TMEM38B: variants seen among roughly 807,000 people sequenced by gnomAD.
The protein encoded by TMEM38B is transmembrane protein 38B, also known as trimeric intracellular cation channel type B.
In TMEM38B, 24 loss-of-function variants were observed where a neutral mutation model predicts 28.7. That is an observed-to-expected ratio of 0.84 (90% CI 0.61 to 1.18). The LOEUF (loss-of-function observed/expected upper bound fraction) is 1.18, where lower values mean the gene tolerates loss of function less well. Among genes scored for constraint, TMEM38B ranks in the 50% most tolerant of loss-of-function variants. The pLI is 0.00. For missense variants in TMEM38B, 380 were observed against 350.9 expected, an observed-to-expected ratio of 1.08 and a Z score of -0.66; for synonymous variants, 131 against 127.7, an observed-to-expected ratio of 1.03 and a Z score of -0.17.
At chr9:105,764,210 T>G (rs1016987287) in intron 5 of TMEM38B, among the ~76,000 whole-genome samples, 9 of 151,976 alleles carry the variant, frequency 5.9e-5, no homozygotes, top group Non-Finnish European at 1.2e-4. Context: ...CTATTCAACA[T>G]AGTGTTGGAA....
chr9:105,752,894 AC>A (rs1229147318), intron 5 of TMEM38B, among the ~76,000 whole-genome samples: 3 of 152,160 alleles, frequency 2.0e-5, no homozygotes, highest in African/African-American at 7.2e-5. Flanking sequence ...GCATGTTCTA[AC>A]CCAATGGAAA....
chr9:105,756,758 TTATAA>T (rs1837846971), intron 5 of TMEM38B, among the ~76,000 whole-genome samples: 3 of 152,160 alleles, frequency 2.0e-5, no homozygotes, highest in African/African-American at 7.2e-5. Flanking sequence ...TGAACATCTC[TTATAA>T]TATTTCTCAA....
chr9:105,741,612 A>T (rs564528700), intron 4 of TMEM38B, among the ~76,000 whole-genome samples: 2 of 152,228 alleles, frequency 1.3e-5, no homozygotes, highest in East Asian at 3.8e-4. Flanking sequence ...ATTGTTTGCC[A>T]CAGTTGTGTG....
intron 4 of TMEM38B, among the ~76,000 whole-genome samples, chr9:105,746,057 A>G (rs890808974): frequency 3.9e-4 from 59 of 152,150 alleles, no homozygotes; most frequent in African/African-American, 8.9e-4. Flanking sequence ...TTGACTTGGC[A>G]ATGCGGGCTC....
chr9:105,716,378 G>GTGTGTGTGTGTGTT (rs1245175932), intron 2 of TMEM38B, among the ~76,000 whole-genome samples: 1 of 152,064 alleles, frequency 6.6e-6, no homozygotes, highest in Non-Finnish European at 1.5e-5. Flanking sequence ...TAGCATTTGT[G>GTGTGTGTGTGTGTT]TGTGTGTGTG....
rs1207702176 is a variant in TMEM38B, at chr9:105,776,258, T to G, written c.*2178T>G. 2.0e-5 allele frequency: 3 copies of G among 152,192 alleles called. No homozygotes were observed. In the East Asian group the frequency reaches 5.8e-4, roughly 29 times the overall value. The allele number at this position is 152,192 out of a possible 1,614,324, so 9.4% of individuals were successfully genotyped here. A position where few individuals can be genotyped will look rare whatever the true frequency, so the allele number is the denominator to read the frequency against. On this transcript the variant is annotated 3_prime_UTR_variant, in exon 6 of 6. Coordinates refer to ENST00000374692, the MANE Select transcript of TMEM38B (RefSeq NM_018112.3). ...CCAGCTTCCCTCAGTGCTGTCACTC[T>G]CAAGTAAAACATGGCCAAATGAATA...
At chr9:105,771,831 TA>T (rs1338854828) in intron 5 of TMEM38B, among the ~76,000 whole-genome samples, 1 of 152,178 alleles carries the variant, frequency 6.6e-6, no homozygotes, top group African/African-American at 2.4e-5. Flanking sequence ...ATCTATTATT[TA>T]AATGTTCCTG....
At chr9:105,710,808 A>G (rs893737011) in intron 2 of TMEM38B, 3 of 438,398 alleles carry the variant, frequency 6.8e-6, no homozygotes, top group Admixed American at 5.8e-5. Context: ...CACTGGGTGC[A>G]CTAACGGGCC....
At chr9:105,726,814 G>A (rs2133584503) in intron 4 of TMEM38B, among the ~76,000 whole-genome samples, 2 of 151,942 alleles carry the variant, frequency 1.3e-5, no homozygotes, top group East Asian at 3.9e-4. Flanking sequence ...TTATTGATAT[G>A]GTTGCATTTA....
At chr9:105,766,769 C>G (rs1826387980) in intron 5 of TMEM38B, among the ~76,000 whole-genome samples, 1 of 150,576 alleles carries the variant, frequency 6.6e-6, no homozygotes, top group South Asian at 2.1e-4. Flanking sequence ...ACTTTAAGTT[C>G]TGGGATACAT....
Position 105,704,654 on chromosome 9 carries a change from G to A in TMEM38B, c.113-943G>A, listed in dbSNP as rs748298894. Among the ~76,000 whole-genome samples the A allele has an allele frequency of 4.6e-5, 7 of 151,918 alleles. No individual in the cohort carries two copies. The East Asian group carries it at 9.6e-4, about 21-fold the overall frequency. On this transcript the variant is annotated intron_variant, in intron 1 of 5. Coordinates refer to ENST00000374692, the MANE Select transcript of TMEM38B (RefSeq NM_018112.3). ...AATAACCACAGAAGTGGCCGGGCTCGGTGGCTCACGCCTGTAATTCCAGCA... is the reference window on the plus strand; with the variant it reads ...AATAACCACAGAAGTGGCCGGGCTCAGTGGCTCACGCCTGTAATTCCAGCA...
At chr9:105,720,336 G>T (rs1836273076) in intron 2 of TMEM38B, among the ~76,000 whole-genome samples, 2 of 141,048 alleles carry the variant, frequency 1.4e-5, no homozygotes, top group African/African-American at 5.9e-5. Context: ...GAGCATTATA[G>T]CCTTTATTTT....
At chr9:105,746,463 TAAG>T (rs1230171112) in intron 4 of TMEM38B, among the ~76,000 whole-genome samples, 1 of 152,236 alleles carries the variant, frequency 6.6e-6, no homozygotes, top group Non-Finnish European at 1.5e-5. Context: ...CTTATCAGCT[TAAG>T]GAGATTTTGG....
At position 105,753,432 on chromosome 9, in the gene TMEM38B, A is replaced by AT. The variant is rs1588459793; in HGVS notation, c.660+5243dup. Among the ~76,000 whole-genome samples, 3 of 152,168 alleles carry AT rather than the reference A, an allele frequency of 2.0e-5. No individual in the cohort carries two copies. The East Asian group carries it at 5.8e-4, about 29-fold the overall frequency. On this transcript the variant is annotated intron_variant, in intron 5 of 5. Coordinates refer to ENST00000374692, the MANE Select transcript of TMEM38B (RefSeq NM_018112.3). ...AGCCAGAGAGAAAAACCAGGTCACC[A>AT]TCAAAGGGAAACCCAGCAGACTAAC...
intron 5 of TMEM38B, among the ~76,000 whole-genome samples, chr9:105,770,570 T>TAG (rs1826512686): frequency 6.6e-6 from 1 of 152,144 alleles, no homozygotes; most frequent in Non-Finnish European, 1.5e-5. Context: ...ATGTAAACCC[T>TAG]ATGATTTTAA....
intron 2 of TMEM38B, among the ~76,000 whole-genome samples, chr9:105,716,061 A>G (rs1478226565): frequency 2.0e-5 from 3 of 152,200 alleles, no homozygotes; most frequent in Non-Finnish European, 4.4e-5. Flanking sequence ...TGTTCAAAAG[A>G]TGAGGACCTG....
intron 5 of TMEM38B, chr9:105,758,111 G>A: frequency 2.1e-6 from 1 of 466,070 alleles, no homozygotes; most frequent in South Asian, 2.8e-5. Flanking sequence ...CCAGGCCGCT[G>A]GGCCTGAGTG....
intron 5 of TMEM38B, among the ~76,000 whole-genome samples, chr9:105,764,746 T>C (rs4636262): frequency 0.13 from 18,897 of 149,574 alleles, 1,760 homozygotes; most frequent in East Asian, 0.46. Context: ...AAAGTTCATA[T>C]GGAACCAAAA....
At chr9:105,698,729 G>T (rs1338466636) in intron 1 of TMEM38B, among the ~76,000 whole-genome samples, 1 of 152,004 alleles carries the variant, frequency 6.6e-6, no homozygotes, top group Non-Finnish European at 1.5e-5. Flanking sequence ...AGGTTATGCT[G>T]TTTTTGTAAA....
Sources: allele counts gnomAD v4.1 joint callset (sites outside exome capture counted in the v4.1 genomes callset), GRCh38; gene constraint gnomAD v4.1.1; transcripts MANE v1.5; gene names NCBI Gene and HGNC (gene_info 2026-07-23, HGNC 2026-07-21).